Variants in R3HDM4 observed in about 807,000 individuals in gnomAD.
The protein encoded by R3HDM4 is R3H domain-containing protein 4.
R3HDM4 carries 30 observed loss-of-function variants against 31.3 expected under a neutral mutation model. The observed-to-expected ratio is 0.96, with a 90% CI of 0.72 to 1.30. The LOEUF (loss-of-function observed/expected upper bound fraction) is 1.30, where lower values mean the gene tolerates loss of function less well. Ranked by LOEUF, R3HDM4 falls within the 50% of genes most tolerant of loss-of-function variation. The probability of loss-of-function intolerance (pLI) is 0.00; values close to 1 mark genes in which losing one functional copy is unlikely to be tolerated. For missense variants in R3HDM4, 444 were observed against 366.1 expected (o/e 1.21, Z -1.74); for synonymous variants, 196 against 156.6 (o/e 1.25, Z -1.88).
At chr19:902,504 T>G in intron 1 of R3HDM4, 1 of 196,132 alleles carries the variant, frequency 5.1e-6, no homozygotes, top group South Asian at 8.2e-5. Context: ...AATTAACCGG[T>G]GTGCTGGTAC....
rs955913094 is a variant in R3HDM4, at chr19:902,097, G to A, written c.105C>T (p.Ser35=). The A allele has an allele frequency of 6.2e-7, 1 of 1,613,688 alleles. No homozygotes were observed. Among genetic ancestry groups the A allele is most frequent in the Non-Finnish European group, 8.5e-7 (1 of 1,180,000 alleles). ...AAGCCGAGAGTCTCTTCACCTGGGA[G>A]CTGGCTAGGGCAGGCAGGCAGCTGG... ...PLPSCLPALA[S]SQVKRLSASR... Residue 35 remains serine (S), a synonymous_variant, in exon 2 of 8, where the codon AGC becomes AGT. Coordinates refer to ENST00000361574, the MANE Select transcript of R3HDM4 (RefSeq NM_138774.4).
At chr19:906,403 T>C (rs1263436956) in intron 1 of R3HDM4, among the ~76,000 whole-genome samples, 1 of 151,902 alleles carries the variant, frequency 6.6e-6, no homozygotes. Context: ...GTATTTTTAG[T>C]AGAGATGGGG....
rs997392396 is a variant in R3HDM4 at position 907,543 on chromosome 19, T to C, written c.72-5413A>G. 3.3e-5 allele frequency among the ~76,000 whole-genome samples: 5 copies of C among 152,056 alleles called. No homozygotes were observed. The highest frequency in any genetic ancestry group is 2.6e-4 in the Admixed American group (4 of 15,266). On this transcript the variant is annotated intron_variant, in intron 1 of 7. Transcript: ENST00000361574. This position sits in a 1 kb window ranked among gnomAD's most constrained non-coding sequence, Gnocchi z 4.1. ...ATGAAGGATCTGAGGCTTGGAGAGG[T>C]GGGGCTGTCCCCCGTCACCACCCAG... is the stretch of plus-strand genomic sequence containing the variant.
chr19:900,592 A>C (rs1599357278), intron 4 of R3HDM4, among the ~76,000 whole-genome samples: 3 of 79,586 alleles, frequency 3.8e-5, no homozygotes, highest in Non-Finnish European at 5.1e-5. Context: ...GGTCCAACCC[A>C]CTCCAGGTCC....
intron 1 of R3HDM4, 113 bp downstream of exon 1, chr19:912,956 CGGGAGCGAGGGGAACGAA>C (rs911510552): frequency 1.5e-4 from 35 of 234,810 alleles, no homozygotes; most frequent in Non-Finnish European, 2.1e-4. Flanking sequence ...AGATGAGCAA[CGGGAGCGAGGGGAACGAA>C]GGGAACGAGG....
At chr19:900,231 A>C (rs1014628587) in intron 4 of R3HDM4, 85 bp from the exon 5 acceptor site, 66 of 1,090,332 alleles carry the variant, frequency 6.1e-5, no homozygotes, top group Non-Finnish European at 7.3e-5. Flanking sequence ...CCCAGGGAAG[A>C]CCACGCCCAT....
rs562829209 is a variant in R3HDM4, at chr19:901,089, G to A, written c.352-137C>T. ...CACCTCTGTCCACTGAGGGGCCGCT[G>A]CTTGTGTCGGGCCCTGAGCTGAGCG... On this transcript the variant is annotated intron_variant, in intron 3 of 7. Transcript: ENST00000361574. The A allele has an allele frequency of 3.1e-5, 35 of 1,142,488 alleles. No individual in the cohort carries two copies. In the African/African-American group the frequency reaches 5.5e-4, roughly 18 times the overall value. 70.8% of individuals were successfully genotyped at this position (1,142,488 alleles called of 1,614,324 possible). A position where few individuals can be genotyped will look rare whatever the true frequency, so the allele number is the denominator to read the frequency against.
rs1217352407 is a variant in R3HDM4 at position 897,473 on chromosome 19, C to T, written c.771G>A (p.Gly257=). The T allele has an allele frequency of 2.5e-6, 4 of 1,612,426 alleles. No individual in the cohort carries two copies. Among genetic ancestry groups the T allele is most frequent in the Non-Finnish European group, 2.5e-6 (3 of 1,179,574 alleles). Residue 257 remains glycine, a synonymous_variant, in exon 8 of 8, where the codon GGG becomes GGA. Coordinates refer to ENST00000361574, the MANE Select transcript of R3HDM4 (RefSeq NM_138774.4). ...SNRHLDFLPP[G]LLLSAYLEQH... ...GCTCCAGGTAGGCGGACAGGAGCAG[C>T]CCCGGCGGCAGGAAATCCAGGTGCC...
At chr19:909,986 A>C (rs575198450) in intron 1 of R3HDM4, among the ~76,000 whole-genome samples, 1 of 152,118 alleles carries the variant, frequency 6.6e-6, no homozygotes. Context: ...GGAGTTCGAG[A>C]CCAGCCTAGG....
rs1316134643 is a variant in R3HDM4 at position 907,378 on chromosome 19, T to C, written c.72-5248A>G. 6.6e-6 allele frequency among the ~76,000 whole-genome samples: 1 copy of C among 151,910 alleles called. No homozygotes were observed. The highest frequency in any genetic ancestry group is 1.5e-5 in the Non-Finnish European group (1 of 67,938). ...CCCCCCCTGAGGCCCCGGGGCCTAC[T>C]TCTCCACCCCAGCAGCTGGACAGGG... On this transcript the variant is annotated intron_variant, in intron 1 of 7. Coordinates refer to ENST00000361574, the MANE Select transcript of R3HDM4 (RefSeq NM_138774.4). This position sits in a 1 kb window ranked among gnomAD's most constrained non-coding sequence, Gnocchi z 4.1.
chr19:910,446 G>C (rs1178632940), intron 1 of R3HDM4, among the ~76,000 whole-genome samples: 1 of 151,636 alleles, frequency 6.6e-6, no homozygotes, highest in Non-Finnish European at 1.5e-5. Flanking sequence ...TCAAACCTGG[G>C]TGATAGAGTG....
chr19:903,558 C>T (rs976644990), intron 1 of R3HDM4, among the ~76,000 whole-genome samples: 3 of 150,532 alleles, frequency 2.0e-5, no homozygotes, highest in South Asian at 4.2e-4. Flanking sequence ...GGAAGCGGGC[C>T]GGTGAGGGGG....
chr19:906,809 T>TTG (rs112556821), intron 1 of R3HDM4, among the ~76,000 whole-genome samples: 1 of 149,626 alleles, frequency 6.7e-6, no homozygotes, highest in Non-Finnish European at 1.5e-5. Context: ...ATTTGGGGTT[T>TTG]TTTTGTTTTG....
chr19:912,716 G>C (rs2036994569), intron 1 of R3HDM4, among the ~76,000 whole-genome samples: 1 of 129,772 alleles, frequency 7.7e-6, no homozygotes, highest in Non-Finnish European at 1.7e-5. Flanking sequence ...GCGCGGACCA[G>C]TGCAGTGGGG....
intron 1 of R3HDM4, among the ~76,000 whole-genome samples, chr19:912,488 A>G: frequency 1.6e-5 from 1 of 62,898 alleles, no homozygotes; most frequent in Non-Finnish European, 2.9e-5. Context: ...GGGCGGACCC[A>G]GGAATGGGGG....
At chr19:910,048 G>A (rs139950588) in intron 1 of R3HDM4, among the ~76,000 whole-genome samples, 1,572 of 152,016 alleles carry the variant, frequency 0.01, 24 homozygotes, top group African/African-American at 0.036. Flanking sequence ...TAGCCAGGCC[G>A]GGCGCAGTGG....
At chr19:904,073 C>T (rs1472232943) in intron 1 of R3HDM4, among the ~76,000 whole-genome samples, 1 of 152,014 alleles carries the variant, frequency 6.6e-6, no homozygotes, top group Non-Finnish European at 1.5e-5. Context: ...AACAAAAAAC[C>T]GTAATGCTAG....
In R3HDM4 at chr19:899,123, T is replaced by A. The variant is rs11881841; in HGVS notation, c.703+317A>T. ...AGACACTGCGTCCCCCCATCTTATC[T>A]CTGGCTCTGGGAGGTCCCTCAAATC... On this transcript the variant is annotated intron_variant, in intron 7 of 7. Coordinates refer to ENST00000361574, the MANE Select transcript of R3HDM4 (RefSeq NM_138774.4). This position sits in a 1 kb window ranked among gnomAD's most constrained non-coding sequence, Gnocchi z 6.8. 0.23 allele frequency among the ~76,000 whole-genome samples: 35,410 copies of A among 151,914 alleles called. 4,927 individuals carry two copies. Among genetic ancestry groups the A allele is most frequent in the Non-Finnish European group, 0.31 (20,863 of 67,882 alleles).
rs752584648 is a variant in R3HDM4, at chr19:901,628, C to T, written c.227-82G>A. ...CATGGGGACCCAAGAACTAGCCTTC[C>T]TCCTTTTTTATCATCTCAACCTCCG... On this transcript the variant is annotated intron_variant, in intron 2 of 7. Coordinates refer to ENST00000361574, the MANE Select transcript of R3HDM4 (RefSeq NM_138774.4). 2.0e-6 allele frequency: 3 copies of T among 1,529,680 alleles called. No homozygotes were observed. The South Asian group carries it at 3.6e-5, about 18-fold the overall frequency. 94.8% of individuals were successfully genotyped at this position (1,529,680 alleles called of 1,614,324 possible).
Sources: allele counts gnomAD v4.1 joint callset (sites outside exome capture counted in the v4.1 genomes callset), GRCh38; gene constraint gnomAD v4.1.1; non-coding constraint Gnocchi (gnomAD v3.1); transcripts MANE v1.5; gene names NCBI Gene and HGNC (gene_info 2026-07-23, HGNC 2026-07-21).